NEDD4L: variants seen among roughly 807,000 people sequenced by gnomAD.
NEDD4L encodes the protein NEDD4 like E3 ubiquitin protein ligase.
NEDD4L carries 54 observed loss-of-function variants against 148.9 expected under a neutral mutation model. That is an observed-to-expected ratio of 0.36 (90% CI 0.29 to 0.45). NEDD4L has a LOEUF of 0.45. Among genes scored for constraint, NEDD4L ranks in the 20% least tolerant of loss-of-function variants. The pLI, the probability that NEDD4L is intolerant of heterozygous loss-of-function variation, is 1.00. For missense variants in NEDD4L, 856 were observed against 1,233.8 expected, an observed-to-expected ratio of 0.69 and a Z score of 4.59; for synonymous variants, 433 against 440.7, an observed-to-expected ratio of 0.98 and a Z score of 0.22.
chr18:58,261,748 T>C (rs1216887181), intron 5 of NEDD4L, among the ~76,000 whole-genome samples: 3 of 152,232 alleles, frequency 2.0e-5, no homozygotes, highest in Admixed American at 2.0e-4. Context: ...TAAATGGTAA[T>C]GCTACTTGTG....
rs4496245 is a variant in NEDD4L at position 58,044,386 on chromosome 18, T to A, written c.-275T>A. 4.8e-6 allele frequency: 1 copy of A among 210,424 alleles called. No homozygotes were observed. The highest frequency in any genetic ancestry group is 9.3e-6 in the Non-Finnish European group (1 of 107,880). 13.0% of individuals were successfully genotyped at this position (210,424 alleles called of 1,614,324 possible). A position where few individuals can be genotyped will look rare whatever the true frequency, so the allele number is the denominator to read the frequency against. On this transcript the variant is annotated 5_prime_UTR_variant, in exon 1 of 31. Transcript: ENST00000400345. Reference sequence around the variant, plus strand: ...GGGTCTGCGCCGCCGCCGCGCGCAGTGAGAGGCGCCGGGGCTGCCGCCCGG... The same window carrying A: ...GGGTCTGCGCCGCCGCCGCGCGCAGAGAGAGGCGCCGGGGCTGCCGCCCGG...
At chr18:58,314,646 G>T (rs530369262) in intron 5 of NEDD4L, 1 of 152,174 alleles carries the variant, frequency 6.6e-6, no homozygotes, top group Admixed American at 6.5e-5. Flanking sequence ...TAGATGAGGC[G>T]TCTCCACGTT....
chr18:58,077,673 A>G (rs536886339), intron 1 of NEDD4L, among the ~76,000 whole-genome samples: 2 of 152,260 alleles, frequency 1.3e-5, no homozygotes, highest in South Asian at 2.1e-4. Context: ...CTTGTGATGC[A>G]TCGGGTTTGG....
intron 16 of NEDD4L, among the ~76,000 whole-genome samples, chr18:58,346,107 G>A (rs910324157): frequency 4.3e-4 from 66 of 152,114 alleles, no homozygotes; most frequent in African/African-American, 1.5e-3. Flanking sequence ...TTTGTTCCCC[G>A]CCTGGGTCAG....
intron 6 of NEDD4L, among the ~76,000 whole-genome samples, chr18:58,316,415 C>T (rs1601132532): frequency 6.6e-6 from 1 of 152,220 alleles, no homozygotes; most frequent in African/African-American, 2.4e-5. Flanking sequence ...GATGTTTGCA[C>T]TCTTTGTCTG....
At chr18:58,108,927 G>A (rs1198355462) in intron 1 of NEDD4L, among the ~76,000 whole-genome samples, 3 of 152,236 alleles carry the variant, frequency 2.0e-5, no homozygotes, top group East Asian at 1.9e-4. Context: ...AGTAATGGAT[G>A]TGGAGGTTCT....
chr18:58,284,927 T>C (rs1199607663), intron 5 of NEDD4L, among the ~76,000 whole-genome samples: 1 of 152,172 alleles, frequency 6.6e-6, no homozygotes, highest in Non-Finnish European at 1.5e-5. Flanking sequence ...CCTGTAACTT[T>C]CCTGTTTGTG....
chr18:58,113,305 A>G (rs183003659), intron 1 of NEDD4L, among the ~76,000 whole-genome samples: 30 of 152,338 alleles, frequency 2.0e-4, no homozygotes, highest in Middle Eastern at 3.4e-3. Context: ...TCCCTGCTTC[A>G]TGGAGTCTAT....
chr18:58,349,623 A>G lies in NEDD4L; in HGVS notation c.1653+9A>G, dbSNP rs760565458. The G allele has an allele frequency of 6.8e-6, 11 of 1,606,572 alleles. No homozygotes were observed. In the South Asian group the frequency reaches 9.9e-5, roughly 14 times the overall value. On this transcript the variant is annotated intron_variant, in intron 17 of 30. Coordinates refer to ENST00000400345, the MANE Select transcript of NEDD4L (RefSeq NM_001144967.3). ...ACCTTGGCCCCCTTCCTGTGAGTAC[A>G]CTGGAGACACATGGAATGGTCTGAA...
intron 1 of NEDD4L, among the ~76,000 whole-genome samples, chr18:58,164,465 G>A (rs486117): frequency 0.75 from 114,447 of 152,094 alleles, 43,551 homozygotes; most frequent in African/African-American, 0.87. Context: ...GAGTGGTGTC[G>A]CAAGGAACCT....
chr18:58,065,115 A>G (rs1327691322), intron 1 of NEDD4L, among the ~76,000 whole-genome samples: 2 of 152,236 alleles, frequency 1.3e-5, no homozygotes, highest in Non-Finnish European at 2.9e-5. Flanking sequence ...TTAGATCCAA[A>G]ACATCTTGTG....
At chr18:58,202,117 A>G (rs1213747026) in intron 2 of NEDD4L, among the ~76,000 whole-genome samples, 1 of 152,194 alleles carries the variant, frequency 6.6e-6, no homozygotes, top group Non-Finnish European at 1.5e-5. Flanking sequence ...CTCTGTCCTC[A>G]TCTTTAATCC....
At chr18:58,121,929 C>A (rs1045017220) in intron 1 of NEDD4L, among the ~76,000 whole-genome samples, 1 of 152,106 alleles carries the variant, frequency 6.6e-6, no homozygotes, top group African/African-American at 2.4e-5. Flanking sequence ...CTCTGCACAC[C>A]CATATATGTG....
chr18:58,052,665 G>A (rs1175318704), intron 1 of NEDD4L, among the ~76,000 whole-genome samples: 1 of 143,526 alleles, frequency 7.0e-6, no homozygotes, highest in African/African-American at 2.6e-5. Flanking sequence ...TTTTTTTTAA[G>A]TTTAAAAAGC....
Position 58,341,745 on chromosome 18 carries a change from G to T in NEDD4L, c.1325G>T (p.Arg442Leu). 1 of 1,613,808 alleles carries T rather than the reference G, an allele frequency of 6.2e-7. No homozygotes were observed. Among genetic ancestry groups the T allele is most frequent in the Non-Finnish European group, 8.5e-7 (1 of 1,179,838 alleles). The change falls in exon 15 of 31, where the codon CGC becomes CTC. Residue 442 changes from arginine (R) to leucine (L), a missense_variant. This residue lies in a region of NEDD4L where 367 missense variants were observed against 422.7 expected (regional missense o/e 0.87). Transcript: ENST00000400345. ...SNNHLIEPQI[R>L]RPRSLSSPTV... ...AACCATCTAATCGAGCCTCAGATCC[G>T]CCGGCCTCGTAGCCTCAGCTCGCCA...
intron 1 of NEDD4L, among the ~76,000 whole-genome samples, chr18:58,140,114 A>G (rs1309923483): frequency 1.3e-5 from 2 of 152,124 alleles, no homozygotes; most frequent in African/African-American, 4.8e-5. Flanking sequence ...GAACATCCAG[A>G]AGGGGACTGG....
At chr18:58,370,849 A>C (rs1015805763) in intron 23 of NEDD4L, among the ~76,000 whole-genome samples, 9 of 152,206 alleles carry the variant, frequency 5.9e-5, no homozygotes, top group Non-Finnish European at 1.3e-4. Context: ...ACATCATAAA[A>C]ATGGCAGAGG....
intron 19 of NEDD4L, among the ~76,000 whole-genome samples, chr18:58,358,978 T>C (rs1159371421): frequency 6.6e-6 from 1 of 152,212 alleles, no homozygotes; most frequent in Non-Finnish European, 1.5e-5. Context: ...GGAAGCTTGA[T>C]CACTTTTTGT....
intron 19 of NEDD4L, among the ~76,000 whole-genome samples, chr18:58,361,665 C>T (rs2045507968): frequency 1.3e-5 from 2 of 152,160 alleles, no homozygotes; most frequent in Non-Finnish European, 2.9e-5. Context: ...TCCAATGTCT[C>T]CCGGCCAGTG....
Sources: allele counts gnomAD v4.1 joint callset (sites outside exome capture counted in the v4.1 genomes callset), GRCh38; gene constraint gnomAD v4.1.1; regional missense constraint gnomAD v4.1.1; transcripts MANE v1.5; gene names NCBI Gene and HGNC (gene_info 2026-07-23, HGNC 2026-07-21).